The following MTCL2 variants were observed in gnomAD, a reference collection of about 807,000 sequenced individuals.
MTCL2 encodes the protein microtubule cross-linking factor 2.
At chr20:36,852,474 A>G in the MTCL2 span, among the ~76,000 whole-genome samples, 1 of 152,208 alleles carries the variant, frequency 6.6e-6, no homozygotes, top group Non-Finnish European at 1.5e-5. Context: ...AGATCATCAC[A>G]CTTGGACCCC....
the MTCL2 span, among the ~76,000 whole-genome samples, chr20:36,856,241 GAGAC>G: frequency 1.3e-5 from 2 of 152,156 alleles, no homozygotes; most frequent in South Asian, 4.1e-4. Flanking sequence ...GCTGGGCACA[GAGAC>G]AGCCACTTGA....
the MTCL2 span, chr20:36,786,607 G>A: frequency 1.1e-5 from 17 of 1,550,786 alleles, no homozygotes; most frequent in Non-Finnish European, 1.1e-5. Flanking sequence ...CAGGAGGTGA[G>A]AGACTGGGTA....
chr20:36,807,431 C>T, the MTCL2 span, among the ~76,000 whole-genome samples: 3 of 152,146 alleles, frequency 2.0e-5, no homozygotes, highest in Non-Finnish European at 4.4e-5. Flanking sequence ...ACTCGAGGTA[C>T]CTGAACCCAA....
the MTCL2 span, chr20:36,804,764 G>A: frequency 3.7e-6 from 6 of 1,613,804 alleles, no homozygotes; most frequent in African/African-American, 1.3e-5. Context: ...AGCTCTGCCC[G>A]CTCTGTCTCC....
the MTCL2 span, among the ~76,000 whole-genome samples, chr20:36,814,810 C>T: frequency 6.6e-6 from 1 of 152,168 alleles, no homozygotes; most frequent in Non-Finnish European, 1.5e-5. Context: ...TCGCTTGAAC[C>T]TGGGAGTTGG....
At chr20:36,786,725 A>G in the MTCL2 span, 2 of 1,285,528 alleles carry the variant, frequency 1.6e-6, no homozygotes, top group Middle Eastern at 2.2e-4. Context: ...CAGGCAAGGA[A>G]CTGAGACTCG....
the MTCL2 span, chr20:36,863,215 C>T: frequency 1.6e-6 from 2 of 1,215,350 alleles, no homozygotes; most frequent in African/African-American, 3.2e-5. This position sits in a 1 kb window ranked among gnomAD's most constrained non-coding sequence, Gnocchi z 6.2. Flanking sequence ...AGCGACCAGC[C>T]GGCCACGTCT....
chr20:36,794,425 C>T, the MTCL2 span: 42 of 1,613,876 alleles, frequency 2.6e-5, no homozygotes, highest in African/African-American at 4.0e-5. The surrounding 1 kb of genome is among the most constrained non-coding windows in gnomAD (Gnocchi z 5.4). Context: ...TGCAGTCCCT[C>T]GACGAGAGCC....
the MTCL2 span, among the ~76,000 whole-genome samples, chr20:36,856,866 G>A: frequency 1.6e-4 from 25 of 152,128 alleles, no homozygotes; most frequent in African/African-American, 5.6e-4. Context: ...GTGCGTGCGC[G>A]CACGTGTGTG....
chr20:36,798,683 C>T, the MTCL2 span, among the ~76,000 whole-genome samples: 3 of 152,196 alleles, frequency 2.0e-5, no homozygotes, highest in South Asian at 4.1e-4. Flanking sequence ...TTACTGTTTA[C>T]ACTCCTGGGC....
the MTCL2 span, chr20:36,829,041 A>G: frequency 6.5e-7 from 1 of 1,537,802 alleles, no homozygotes; most frequent in South Asian, 1.2e-5. Context: ...TGCTGGATGC[A>G]TGAGGTCCTC....
At chr20:36,816,006 T>C in the MTCL2 span, 1 of 1,613,560 alleles carries the variant, frequency 6.2e-7, no homozygotes, top group Non-Finnish European at 8.5e-7. Flanking sequence ...CTTCATGTCG[T>C]CCATCTCAGC....
the MTCL2 span, among the ~76,000 whole-genome samples, chr20:36,797,326 TTTTA>T: frequency 6.6e-6 from 1 of 152,088 alleles, no homozygotes; most frequent in Non-Finnish European, 1.5e-5. Flanking sequence ...TGGGTTTTTT[TTTTA>T]TTTTTTTGAG....
the MTCL2 span, chr20:36,778,180 C>A: frequency 5.0e-6 from 1 of 198,164 alleles, no homozygotes; most frequent in Non-Finnish European, 1.0e-5. Flanking sequence ...CCAAGAGGAG[C>A]GACTATAGGG....
chr20:36,797,625 G>A, the MTCL2 span: 11 of 1,512,460 alleles, frequency 7.3e-6, no homozygotes, highest in South Asian at 1.3e-4. Context: ...TGGTATGCAG[G>A]ACCCTGCTCT....
At chr20:36,863,497 C>G in the MTCL2 span, 4 of 455,344 alleles carry the variant, frequency 8.8e-6, no homozygotes, top group Non-Finnish European at 1.2e-5. This position sits in a 1 kb window ranked among gnomAD's most constrained non-coding sequence, Gnocchi z 6.2. Flanking sequence ...CGTCCCAAGC[C>G]CCGCCGCGCG....
chr20:36,828,056 A>C, the MTCL2 span, among the ~76,000 whole-genome samples: 1 of 152,212 alleles, frequency 6.6e-6, no homozygotes, highest in Admixed American at 6.5e-5. Flanking sequence ...TCTCAGTCCA[A>C]GGACACTGGC....
chr20:36,854,912 C>T, the MTCL2 span, among the ~76,000 whole-genome samples: 2 of 152,088 alleles, frequency 1.3e-5, no homozygotes, highest in African/African-American at 4.8e-5. Context: ...AAGAGTGACA[C>T]GACGCCGTGG....
the MTCL2 span, chr20:36,808,864 G>A: frequency 2.4e-6 from 2 of 818,986 alleles, no homozygotes; most frequent in Non-Finnish European, 3.7e-6. Context: ...ATCCCTGCCG[G>A]GGATCCCACC....
Sources: gnomAD v4.1 joint callset for allele counts (sites outside exome capture counted in the v4.1 genomes callset) on GRCh38, gnomAD v4.1.1 for gene constraint, Gnocchi (gnomAD v3.1) non-coding constraint, MANE v1.5 for transcripts, NCBI Gene and HGNC (gene_info 2026-07-23, HGNC 2026-07-21) for gene names.